The following KCNQ5 variants were observed in gnomAD, a reference collection of about 807,000 sequenced individuals.
The protein encoded by KCNQ5 is potassium voltage-gated channel subfamily Q member 5, also known as potassium voltage-gated channel subfamily KQT member 5.
KCNQ5 carries 30 observed loss-of-function variants against 98.2 expected under a neutral mutation model. The ratio of observed to expected loss-of-function variants is 0.31; its 90% CI spans 0.23 to 0.41. The LOEUF is 0.41. Among genes scored for constraint, KCNQ5 ranks in the 10% least tolerant of loss-of-function variants. KCNQ5 has a pLI of 1.00. For synonymous variants in KCNQ5, 458 were observed against 449.4 expected, an observed-to-expected ratio of 1.02 and a Z score of -0.24; for missense variants, 835 against 1,182.5, an observed-to-expected ratio of 0.71 and a Z score of 4.31.
intron 1 of KCNQ5, among the ~76,000 whole-genome samples, chr6:72,864,933 T>C (rs1407985598): frequency 6.6e-6 from 1 of 152,252 alleles, no homozygotes; most frequent in Non-Finnish European, 1.5e-5. Context: ...TTGTAAGAAT[T>C]ACAGAGCTCT....
chr6:73,159,988 GTTTTTT>G (rs771636708), intron 10 of KCNQ5, among the ~76,000 whole-genome samples: 10,879 of 137,964 alleles, frequency 0.079, 443 homozygotes, highest in African/African-American at 0.13. Context: ...TTCCGCTATG[GTTTTTT>G]TTGTTTGTTT....
intron 1 of KCNQ5, among the ~76,000 whole-genome samples, chr6:72,818,961 T>A (rs1775630390): frequency 6.6e-6 from 1 of 151,788 alleles, no homozygotes. Flanking sequence ...TGTTACATGC[T>A]CTGAAAAAAG....
chr6:72,697,050 G>A (rs934548711), intron 1 of KCNQ5, among the ~76,000 whole-genome samples: 32 of 152,112 alleles, frequency 2.1e-4, no homozygotes, highest in African/African-American at 7.5e-4. Context: ...GTTCATCACC[G>A]TGAAGTTGAG....
At chr6:73,037,468 T>A (rs1355900817) in intron 2 of KCNQ5, among the ~76,000 whole-genome samples, 1 of 152,196 alleles carries the variant, frequency 6.6e-6, no homozygotes, top group Non-Finnish European at 1.5e-5. Context: ...TATCTCCATT[T>A]TTTTCCTAAA....
intron 10 of KCNQ5, among the ~76,000 whole-genome samples, chr6:73,152,494 C>A (rs1163964396): frequency 6.6e-6 from 1 of 151,914 alleles, no homozygotes; most frequent in Non-Finnish European, 1.5e-5. Flanking sequence ...ATTTTAGTAT[C>A]CTATTTTTGT....
At chr6:73,179,548 A>G (rs1431307297) in intron 11 of KCNQ5, among the ~76,000 whole-genome samples, 1 of 152,168 alleles carries the variant, frequency 6.6e-6, no homozygotes, top group African/African-American at 2.4e-5. Flanking sequence ...GGGGCATTCA[A>G]ACCATAACAG....
rs904769186 is a variant in KCNQ5, at chr6:72,890,502, T to C, written c.399-113406T>C. Among the ~76,000 whole-genome samples, 5 of 151,622 alleles carry C rather than the reference T, an allele frequency of 3.3e-5. No individual in the cohort carries two copies. The South Asian group carries it at 1.1e-3, about 32-fold the overall frequency. On this transcript the variant is annotated intron_variant, in intron 1 of 13. Transcript: ENST00000370398. ...AGTTATTAGGTTGCATTAAAACAAG[T>C]CATTGAGAATAGCAGTGGGGTTGTG... is the stretch of plus-strand genomic sequence containing the variant.
intron 1 of KCNQ5, among the ~76,000 whole-genome samples, chr6:72,687,361 A>C (rs766599059): frequency 6.6e-6 from 1 of 152,220 alleles, no homozygotes; most frequent in Admixed American, 6.5e-5. Flanking sequence ...ATCATGACCT[A>C]TACTTCTATT....
intron 3 of KCNQ5, among the ~76,000 whole-genome samples, chr6:73,071,460 A>T (rs980086326): frequency 2.6e-5 from 4 of 152,150 alleles, no homozygotes; most frequent in Admixed American, 6.6e-5. Flanking sequence ...GTCTTAGTCT[A>T]TTTGTTTTAT....
At chr6:72,913,472 C>T (rs1408031275) in intron 1 of KCNQ5, among the ~76,000 whole-genome samples, 2 of 152,142 alleles carry the variant, frequency 1.3e-5, no homozygotes, top group Non-Finnish European at 2.9e-5. Context: ...GTCCTGGGTC[C>T]ACTCTTAACT....
chr6:72,627,654 G>A (rs1268290509), intron 1 of KCNQ5, among the ~76,000 whole-genome samples: 1 of 152,158 alleles, frequency 6.6e-6, no homozygotes, highest in Non-Finnish European at 1.5e-5. Flanking sequence ...ACCCAGTAGT[G>A]TAGGTTAGAC....
rs200158377 is a variant in KCNQ5 at position 72,914,620 on chromosome 6, AATTTAT to A, written c.399-89286_399-89281del. Among the ~76,000 whole-genome samples, 979 of 150,548 alleles carry A rather than the reference AATTTAT, an allele frequency of 6.5e-3. 5 individuals are homozygous for A. Among genetic ancestry groups the A allele is most frequent in the East Asian group, 0.02 (103 of 5,156 alleles). The stretch of plus-strand genomic sequence containing the variant: ...ATGTGAAAATATAAATTTAAATTTA[AATTTAT>A]AACAAGGAACAAATTAAACAGGAAA... On this transcript the variant is annotated intron_variant, in intron 1 of 13. Coordinates refer to ENST00000370398, the MANE Select transcript of KCNQ5 (RefSeq NM_019842.4).
intron 10 of KCNQ5, among the ~76,000 whole-genome samples, chr6:73,144,261 A>G (rs1470080158): frequency 2.0e-5 from 3 of 152,178 alleles, no homozygotes; most frequent in East Asian, 3.8e-4. Context: ...TTTATTTTCA[A>G]CATCTAATTT....
chr6:72,744,609 G>C (rs1464141256), intron 1 of KCNQ5, among the ~76,000 whole-genome samples: 1 of 152,026 alleles, frequency 6.6e-6, no homozygotes, highest in East Asian at 1.9e-4. Flanking sequence ...TCAGGAGTTC[G>C]AGACCAGCCT....
At chr6:72,988,652 T>TTC (rs1554194818) in intron 1 of KCNQ5, among the ~76,000 whole-genome samples, 6 of 148,652 alleles carry the variant, frequency 4.0e-5, no homozygotes, top group East Asian at 2.0e-4. Flanking sequence ...TGATTTTCTT[T>TTC]TTTTTTTTTT....
intron 10 of KCNQ5, chr6:73,157,757 C>T (rs1777426164): frequency 3.9e-6 from 3 of 778,390 alleles, no homozygotes; most frequent in East Asian, 2.4e-5. Context: ...TAAGTGTGCT[C>T]CTAGGTGGGG....
At chr6:73,022,621 G>T (rs1770657258) in intron 2 of KCNQ5, among the ~76,000 whole-genome samples, 1 of 152,006 alleles carries the variant, frequency 6.6e-6, no homozygotes, top group Admixed American at 6.6e-5. Context: ...AAAAAAAAAT[G>T]CATTAACCAA....
Position 72,963,133 on chromosome 6 carries a change from T to C in KCNQ5, c.399-40775T>C, listed in dbSNP as rs539566212. Among the ~76,000 whole-genome samples the C allele has an allele frequency of 5.9e-5, 9 of 152,354 alleles. No individual in the cohort carries two copies. The South Asian group carries it at 1.9e-3, about 32-fold the overall frequency. Reference sequence around the variant, plus strand: ...CAGTTGGTTGAGTTTATGTGACAAGTATTTTCAGACATTTTAGAGTGAGTT... The same window carrying C: ...CAGTTGGTTGAGTTTATGTGACAAGCATTTTCAGACATTTTAGAGTGAGTT... On this transcript the variant is annotated intron_variant, in intron 1 of 13. Coordinates refer to ENST00000370398, the MANE Select transcript of KCNQ5 (RefSeq NM_019842.4).
At chr6:72,896,809 C>G (rs1322891767) in intron 1 of KCNQ5, among the ~76,000 whole-genome samples, 1 of 152,126 alleles carries the variant, frequency 6.6e-6, no homozygotes, top group African/African-American at 2.4e-5. Flanking sequence ...GGTACCTTTG[C>G]TGTGTGGTGG....
Sources: allele counts gnomAD v4.1 joint callset (sites outside exome capture counted in the v4.1 genomes callset), GRCh38; gene constraint gnomAD v4.1.1; transcripts MANE v1.5; gene names NCBI Gene and HGNC (gene_info 2026-07-23, HGNC 2026-07-21).